Variants in COP1 observed in about 807,000 individuals in gnomAD.
COP1 encodes E3 ubiquitin-protein ligase COP1.
COP1 carries 24 observed loss-of-function variants against 101.3 expected under a neutral mutation model. That is an observed-to-expected ratio of 0.24 (90% confidence interval 0.17 to 0.33). The LOEUF is 0.33. Among genes scored for constraint, COP1 ranks in the 10% least tolerant of loss-of-function variants. The pLI is 1.00. For synonymous variants in COP1, 347 were observed against 341.9 expected, an observed-to-expected ratio of 1.01 and a Z score of -0.17; for missense variants, 663 against 906.2, an observed-to-expected ratio of 0.73 and a Z score of 3.45.
chr1:176,168,647 C>A, intron 3 of COP1: 2 of 240,610 alleles, frequency 8.3e-6, no homozygotes, highest in Non-Finnish European at 1.7e-5. Flanking sequence ...AATGGAGGGT[C>A]GGACTTCCAG....
intron 10 of COP1, 35 bp from the exon 11 acceptor site, chr1:176,081,322 T>C: frequency 6.7e-7 from 1 of 1,503,128 alleles, no homozygotes; most frequent in Non-Finnish European, 8.9e-7. Flanking sequence ...ACAAAACAGA[T>C]GAATTGAACT....
At chr1:176,180,796 G>A (rs1380219634) in intron 2 of COP1, among the ~76,000 whole-genome samples, 1 of 152,160 alleles carries the variant, frequency 6.6e-6, no homozygotes, top group Non-Finnish European at 1.5e-5. Flanking sequence ...ATCAGAACCA[G>A]TCATTACATC....
At chr1:176,025,212 A>T (rs1321369653) in intron 15 of COP1, among the ~76,000 whole-genome samples, 4 of 152,160 alleles carry the variant, frequency 2.6e-5, no homozygotes, top group Non-Finnish European at 5.9e-5. Flanking sequence ...GCAGAACACT[A>T]AAGCTCATTC....
intron 5 of COP1, 22 bp from the exon 6 acceptor site, chr1:176,149,096 T>G: frequency 6.7e-7 from 1 of 1,492,616 alleles, no homozygotes; most frequent in Non-Finnish European, 9.2e-7. Flanking sequence ...AATTATAATT[T>G]TTCTTTTAAA....
At chr1:176,035,129 T>C (rs1044303150) in intron 14 of COP1, among the ~76,000 whole-genome samples, 2 of 152,180 alleles carry the variant, frequency 1.3e-5, no homozygotes, top group African/African-American at 4.8e-5. Context: ...GGTTTAGATG[T>C]TGGATCCCAA....
intron 6 of COP1, among the ~76,000 whole-genome samples, chr1:176,145,888 C>A (rs186368434): frequency 6.6e-6 from 1 of 152,202 alleles, no homozygotes; most frequent in East Asian, 1.9e-4. Flanking sequence ...TGACTGCAAT[C>A]CAAAAAGGGT....
At chr1:175,998,881 G>C (rs1280264950) in intron 15 of COP1, among the ~76,000 whole-genome samples, 1 of 152,044 alleles carries the variant, frequency 6.6e-6, no homozygotes, top group African/African-American at 2.4e-5. Flanking sequence ...ATAATGGAAT[G>C]GAACTTCATT....
intron 9 of COP1, among the ~76,000 whole-genome samples, chr1:176,110,205 C>A (rs991675434): frequency 1.3e-5 from 2 of 152,148 alleles, no homozygotes; most frequent in African/African-American, 4.8e-5. Context: ...AACATATATC[C>A]TTTGATGCAA....
intron 3 of COP1, among the ~76,000 whole-genome samples, chr1:176,168,260 T>C (rs1695454940): frequency 6.6e-6 from 1 of 151,808 alleles, no homozygotes; most frequent in African/African-American, 2.4e-5. Context: ...GATTTCACCA[T>C]GTTGGCCAGG....
At chr1:176,133,183 T>TGTAC (rs1448440856) in intron 8 of COP1, among the ~76,000 whole-genome samples, 1 of 130,770 alleles carries the variant, frequency 7.6e-6, no homozygotes, top group East Asian at 2.4e-4. Context: ...CACATACGTA[T>TGTAC]ATACGTACGT....
At chr1:176,201,144 G>A (rs762705015) in intron 1 of COP1, among the ~76,000 whole-genome samples, 32 of 152,056 alleles carry the variant, frequency 2.1e-4, no homozygotes, top group South Asian at 6.2e-4. Context: ...TTCAGATTAA[G>A]GATACTAACC....
intron 9 of COP1, among the ~76,000 whole-genome samples, chr1:176,111,626 A>G (rs1685307799): frequency 6.6e-6 from 1 of 152,184 alleles, no homozygotes; most frequent in Admixed American, 6.5e-5. Context: ...ATTTTGCTTT[A>G]CATAAATTCC....
chr1:176,106,091 C>T (rs1332729751), intron 9 of COP1, among the ~76,000 whole-genome samples: 9 of 152,112 alleles, frequency 5.9e-5, no homozygotes, highest in Admixed American at 2.0e-4. Flanking sequence ...ACTGTGGTGG[C>T]GTGTGCTCAG....
chr1:176,141,741 T>C (rs1268312198), intron 6 of COP1, among the ~76,000 whole-genome samples: 1 of 151,138 alleles, frequency 6.6e-6, no homozygotes, highest in Non-Finnish European at 1.5e-5. Flanking sequence ...TTTTCTTTTT[T>C]TTTTTTTAAG....
intron 8 of COP1, among the ~76,000 whole-genome samples, chr1:176,132,400 T>C (rs971024233): frequency 1.3e-5 from 2 of 151,772 alleles, no homozygotes; most frequent in Non-Finnish European, 2.9e-5. Flanking sequence ...AGTGCAGTCA[T>C]GCATCACTCA....
At chr1:175,992,392 G>A (rs925705729) in intron 15 of COP1, among the ~76,000 whole-genome samples, 2 of 152,224 alleles carry the variant, frequency 1.3e-5, no homozygotes, top group Admixed American at 6.5e-5. Context: ...CAGACAGTGG[G>A]TGCAGGAGAG....
chr1:176,139,878 T>C (rs1023556568), intron 6 of COP1, among the ~76,000 whole-genome samples: 1 of 152,098 alleles, frequency 6.6e-6, no homozygotes, highest in Non-Finnish European at 1.5e-5. Flanking sequence ...ATGGGGTCAA[T>C]CATACCCCAA....
At chr1:176,096,440 A>G (rs1189120358) in intron 9 of COP1, among the ~76,000 whole-genome samples, 3 of 152,186 alleles carry the variant, frequency 2.0e-5, no homozygotes, top group South Asian at 2.1e-4. Flanking sequence ...ACATGAGTGC[A>G]GTGTCCAACG....
At chr1:176,024,345 A>C (rs1261054815) in intron 15 of COP1, among the ~76,000 whole-genome samples, 4 of 152,226 alleles carry the variant, frequency 2.6e-5, no homozygotes, top group African/African-American at 9.6e-5. Context: ...TATTATAGTA[A>C]CATTACTGTC....
Sources: gnomAD v4.1 joint callset for allele counts (sites outside exome capture counted in the v4.1 genomes callset) on GRCh38, gnomAD v4.1.1 for gene constraint, MANE v1.5 for transcripts, NCBI Gene and HGNC (gene_info 2026-07-23, HGNC 2026-07-21) for gene names.